Variants in CNGB1 observed in about 807,000 individuals in gnomAD.
The protein encoded by CNGB1 is cyclic nucleotide gated channel subunit beta 1.
CNGB1 carries 126 observed loss-of-function variants against 151.7 expected under a neutral mutation model. The ratio of observed to expected loss-of-function variants is 0.83; its 90% CI spans 0.72 to 0.96. CNGB1 has a LOEUF of 0.96. Ranked by LOEUF, CNGB1 falls within the 40% of genes least tolerant of loss-of-function variation. The probability of loss-of-function intolerance (pLI) is 0.00; values close to 1 mark genes in which losing one functional copy is unlikely to be tolerated. For synonymous variants in CNGB1, 623 were observed against 635.1 expected, an observed-to-expected ratio of 0.98 and a Z score of 0.29; for missense variants, 1,698 against 1,627.0, an observed-to-expected ratio of 1.04 and a Z score of -0.75.
At chr16:57,919,320 G>C in intron 19 of CNGB1, 66 bp from the exon 20 acceptor site, 3 of 1,612,238 alleles carry the variant, frequency 1.9e-6, no homozygotes, top group Non-Finnish European at 2.5e-6. Context: ...GCAGAGAGAA[G>C]GGTCCCAACT....
chr16:57,901,277 C>T, intron 29 of CNGB1, 75 bp downstream of exon 29: 1 of 1,425,920 alleles, frequency 7.0e-7, no homozygotes, highest in Non-Finnish European at 9.9e-7. Flanking sequence ...TGGCAGGCAC[C>T]CCTCCAGCTC....
chr16:57,953,067 C>A (rs1961997365), intron 12 of CNGB1, among the ~76,000 whole-genome samples: 1 of 152,162 alleles, frequency 6.6e-6, no homozygotes, highest in Admixed American at 6.5e-5. Flanking sequence ...CTCCGTGGCC[C>A]TACCCAGGTG....
chr16:57,908,520 C>T (rs1960619264), intron 25 of CNGB1, among the ~76,000 whole-genome samples: 1 of 152,276 alleles, frequency 6.6e-6, no homozygotes, highest in South Asian at 2.1e-4. Context: ...TGACTGAGCG[C>T]CCACTGTGCC....
intron 14 of CNGB1, among the ~76,000 whole-genome samples, chr16:57,942,119 T>G (rs750158540): frequency 6.6e-6 from 1 of 152,174 alleles, no homozygotes; most frequent in Non-Finnish European, 1.5e-5. Flanking sequence ...TGGGCTCAAG[T>G]GATCCTCCCA....
At chr16:57,967,763 A>G (rs558374510) in intron 1 of CNGB1, among the ~76,000 whole-genome samples, 35 of 152,240 alleles carry the variant, frequency 2.3e-4, no homozygotes, top group South Asian at 1.0e-3. Context: ...CATATTACAT[A>G]TATACACACA....
In CNGB1 at chr16:57,958,263, G is replaced by A. The variant is rs1390472127; in HGVS notation, c.837+147C>T. 8 of 713,192 alleles carry A rather than the reference G, an allele frequency of 1.1e-5. No homozygotes were observed. The African/African-American group carries it at 1.2e-4, about 11-fold the overall frequency. The allele number at this position is 713,192 out of a possible 1,614,324, so 44.2% of individuals were successfully genotyped here. A position where few individuals can be genotyped will look rare whatever the true frequency, so the allele number is the denominator to read the frequency against. ...GGGCTGGGCCAGCATGTCTCAGGGAGTGGGTGGAATGAACGTGGGCCATGC... is the reference window on the plus strand; with the variant it reads ...GGGCTGGGCCAGCATGTCTCAGGGAATGGGTGGAATGAACGTGGGCCATGC... On this transcript the variant is annotated intron_variant, in intron 11 of 32. Coordinates refer to ENST00000251102, the MANE Select transcript of CNGB1 (RefSeq NM_001297.5).
At chr16:57,924,635 G>C (rs1961136653) in intron 17 of CNGB1, among the ~76,000 whole-genome samples, 1 of 152,136 alleles carries the variant, frequency 6.6e-6, no homozygotes. Flanking sequence ...GAGAGTTTAG[G>C]ACTTGACGTG....
chr16:57,965,208 C>G (rs987636576), intron 2 of CNGB1, among the ~76,000 whole-genome samples: 1 of 138,166 alleles, frequency 7.2e-6, no homozygotes, highest in Non-Finnish European at 1.6e-5. Flanking sequence ...CAATGACACA[C>G]AAATACCAAC....
chr16:57,949,322 C>T (rs1241742374), intron 14 of CNGB1, 31 bp downstream of exon 14: 1 of 1,604,684 alleles, frequency 6.2e-7, no homozygotes, highest in East Asian at 2.2e-5. Flanking sequence ...AGCCCCAGGG[C>T]CGTTCCCAGA....
chr16:57,893,107 T>C (rs1960138071), intron 31 of CNGB1, among the ~76,000 whole-genome samples: 1 of 152,218 alleles, frequency 6.6e-6, no homozygotes, highest in Non-Finnish European at 1.5e-5. Context: ...GACAGCTCTC[T>C]GTGCAGTTTA....
At chr16:57,953,850 C>T (rs1312737173) in intron 12 of CNGB1, among the ~76,000 whole-genome samples, 3 of 151,924 alleles carry the variant, frequency 2.0e-5, no homozygotes, top group African/African-American at 7.3e-5. Flanking sequence ...TCTTCCATAA[C>T]CATTGCTTGG....
rs1202397758 is a variant in CNGB1, at chr16:57,887,922, A to C, written c.3395T>G (p.Leu1132Arg). Residue 1132 changes from leucine to arginine, a missense_variant, in exon 32 of 33, where the codon CTC (leucine) becomes CGC (arginine). Leu to Arg is a moderately radical substitution (Grantham distance 102). Transcript: ENST00000251102. ...KGAKGGKLAH[L>R]RARLKELAAL... ...GGCCAGTTCTTTGAGCCGGGCCCGG[A>C]GGTGAGCAAGTTTGCCGCCTTTTGC... 1.2e-6 allele frequency: 2 copies of C among 1,614,002 alleles called. No homozygotes were observed. The highest frequency in any genetic ancestry group is 4.5e-5 in the East Asian group (2 of 44,890).
intron 2 of CNGB1, among the ~76,000 whole-genome samples, chr16:57,966,025 G>C (rs1962391680): frequency 6.6e-6 from 1 of 152,140 alleles, no homozygotes; most frequent in African/African-American, 2.4e-5. Flanking sequence ...CCCTTCTCTA[G>C]TAACAGCCTT....
At position 57,955,434 on chromosome 16, in the gene CNGB1, G is replaced by A; in HGVS notation, c.874+1907C>T. The A allele has an allele frequency of 2.3e-6, 3 of 1,323,314 alleles. No individual in the cohort carries two copies. The South Asian group carries it at 3.8e-5, about 17-fold the overall frequency. The allele number at this position is 1,323,314 out of a possible 1,614,324, so 82.0% of individuals were successfully genotyped here. On this transcript the variant is annotated intron_variant, in intron 12 of 32. Coordinates refer to ENST00000251102, the MANE Select transcript of CNGB1 (RefSeq NM_001297.5). ...AGGCGGAGGGAATGAGTGAGTGAGT[G>A]AGTGAGTGGATGAGTGAATGAATGG...
intron 23 of CNGB1, 96 bp from the exon 24 acceptor site, chr16:57,913,090 GCC>G: frequency 8.8e-7 from 1 of 1,131,976 alleles, no homozygotes; most frequent in Non-Finnish European, 1.3e-6. Context: ...TCTTCCTGCA[GCC>G]CCCAGGAGGG....
intron 14 of CNGB1, among the ~76,000 whole-genome samples, chr16:57,940,860 G>A (rs1214678782): frequency 1.3e-5 from 2 of 152,054 alleles, no homozygotes; most frequent in Non-Finnish European, 2.9e-5. Flanking sequence ...TGAGATCAGA[G>A]CCACTGCAAC....
chr16:57,939,491 G>A lies in CNGB1; in HGVS notation c.1311C>T (p.Pro437=). ...CCTCCTTGGTCTCCGCCCAGTCCTG[G>A]GGCTCCTTTTCAGCCTCCTCTTCAG... The part of the protein sequence containing the change: ...EVAEEEAEKE[P]QDWAETKEEP... The change falls in exon 16 of 33, where the codon CCC becomes CCT. Residue 437 remains proline, a synonymous_variant. Transcript: ENST00000251102. The A allele has an allele frequency of 6.2e-7, 1 of 1,614,012 alleles. No homozygotes were observed. The highest frequency in any genetic ancestry group is 8.5e-7 in the Non-Finnish European group (1 of 1,179,966).
intron 31 of CNGB1, among the ~76,000 whole-genome samples, chr16:57,893,291 C>G (rs1960142907): frequency 6.6e-6 from 1 of 152,202 alleles, no homozygotes; most frequent in Non-Finnish European, 1.5e-5. Flanking sequence ...GGGTCTTGCT[C>G]TGTCACCCAG....
At chr16:57,901,860 C>A (rs1488162216) in intron 27 of CNGB1, among the ~76,000 whole-genome samples, 2 of 152,186 alleles carry the variant, frequency 1.3e-5, no homozygotes, top group African/African-American at 4.8e-5. Context: ...CAGAACCCAG[C>A]ACTAATATCA....
Sources: allele counts gnomAD v4.1 joint callset (sites outside exome capture counted in the v4.1 genomes callset), GRCh38; gene constraint gnomAD v4.1.1; transcripts MANE v1.5; gene names NCBI Gene and HGNC (gene_info 2026-07-23, HGNC 2026-07-21).